The following BCL9 variants were observed in gnomAD, a reference collection of about 807,000 sequenced individuals.
The protein encoded by BCL9 is BCL9 transcription coactivator.
A neutral mutation model predicts 88.5 loss-of-function variants in BCL9; 25 were observed. The observed-to-expected ratio is 0.28, with a 90% confidence interval of 0.21 to 0.39. The LOEUF is 0.39. Among genes scored for constraint, BCL9 ranks in the 10% least tolerant of loss-of-function variants. The probability of loss-of-function intolerance (pLI) is 1.00; values close to 1 mark genes in which losing one functional copy is unlikely to be tolerated. For missense variants in BCL9, 1,817 were observed against 1,877.8 expected (o/e 0.97, Z 0.60); for synonymous variants, 711 against 673.3 (o/e 1.06, Z -0.87).
intron 1 of BCL9, among the ~76,000 whole-genome samples, chr1:147,565,161 A>T (rs1357646518): frequency 6.6e-6 from 1 of 152,212 alleles, no homozygotes; most frequent in Non-Finnish European, 1.5e-5. Context: ...TTAATAACCC[A>T]GTGTACTTGC....
At position 147,618,905 on chromosome 1, in the gene BCL9, G is replaced by C; in HGVS notation, c.750G>C (p.Gln250His). 1 of 1,613,530 alleles carries C rather than the reference G, an allele frequency of 6.2e-7. No homozygotes were observed. Among genetic ancestry groups the C allele is most frequent in the Non-Finnish European group, 8.5e-7 (1 of 1,179,678 alleles). Reference protein sequence around the residue: ...APANQDQNSSQNTRLQPTPPI... With the variant: ...APANQDQNSSHNTRLQPTPPI... ...CCAACCAGGACCAGAATTCTTCCCA[G>C]AATACCAGACTGCAGCCAACTCCAC... The change falls in exon 8 of 10, where the codon CAG (glutamine) becomes CAC (histidine). Residue 250 changes from glutamine to histidine, a missense_variant. Around this residue, in one of 2 missense-constraint regions of BCL9, gnomAD observed 1,228 missense variants for 1,191.6 expected, o/e 1.03. Transcript: ENST00000234739.
chr1:147,568,618 T>C (rs1553197002), intron 1 of BCL9, among the ~76,000 whole-genome samples: 1 of 151,874 alleles, frequency 6.6e-6, no homozygotes, highest in Non-Finnish European at 1.5e-5. Flanking sequence ...TTAGACAAAA[T>C]AGGAGAGCTG....
At chr1:147,616,438 C>T (rs1415098121) in intron 7 of BCL9, among the ~76,000 whole-genome samples, 2 of 152,142 alleles carry the variant, frequency 1.3e-5, no homozygotes, top group Non-Finnish European at 2.9e-5. Context: ...TGTTTTCTAT[C>T]TGGATCTTAA....
intron 1 of BCL9, among the ~76,000 whole-genome samples, chr1:147,591,227 A>T (rs892333219): frequency 2.0e-4 from 31 of 152,000 alleles, no homozygotes; most frequent in Non-Finnish European, 2.8e-4. Flanking sequence ...GTAGCTTTTT[A>T]AAAAAAATAA....
intron 1 of BCL9, among the ~76,000 whole-genome samples, chr1:147,576,721 C>T (rs868912950): frequency 9.9e-5 from 15 of 152,110 alleles, no homozygotes; most frequent in African/African-American, 2.9e-4. Flanking sequence ...AATAAAGAAG[C>T]CAAGCTGATA....
chr1:147,608,026 AAAG>A, intron 3 of BCL9, among the ~76,000 whole-genome samples: 1 of 152,274 alleles, frequency 6.6e-6, no homozygotes, highest in Non-Finnish European at 1.5e-5. Context: ...GGAAGCAGAT[AAAG>A]AAGGCCTGGA....
At chr1:147,572,571 G>T (rs968133092) in intron 1 of BCL9, among the ~76,000 whole-genome samples, 1 of 152,134 alleles carries the variant, frequency 6.6e-6, no homozygotes, top group Admixed American at 6.5e-5. Flanking sequence ...AAGGTTCATA[G>T]GTAGAAGTTT....
Position 147,614,407 on chromosome 1 carries a change from G to A in BCL9, c.371-20G>A, listed in dbSNP as rs782311693. ...AAGGAAATTTTATTCTTTCTGTGAC[G>A]AGTCATTTTATTCTTTTAGAATGTA... is the stretch of plus-strand genomic sequence containing the variant. On this transcript the variant is annotated intron_variant, in intron 5 of 9. Transcript: ENST00000234739. 3.2e-5 allele frequency: 52 copies of A among 1,609,834 alleles called. No individual in the cohort carries two copies. Among genetic ancestry groups the A allele is most frequent in the Middle Eastern group, 1.6e-4 (1 of 6,076 alleles).
At chr1:147,587,192 A>C (rs1656651306) in intron 1 of BCL9, among the ~76,000 whole-genome samples, 1 of 150,826 alleles carries the variant, frequency 6.6e-6, no homozygotes, top group African/African-American at 2.4e-5. Flanking sequence ...CCGCTAAGTC[A>C]CTCCCTCCCC....
At chr1:147,594,116 T>C (rs1232909548) in intron 1 of BCL9, among the ~76,000 whole-genome samples, 1 of 152,180 alleles carries the variant, frequency 6.6e-6, no homozygotes, top group East Asian at 1.9e-4. Flanking sequence ...AGGGCTTAAA[T>C]AATTAGAAAG....
At chr1:147,579,494 A>G (rs1301482353) in intron 1 of BCL9, among the ~76,000 whole-genome samples, 7 of 152,206 alleles carry the variant, frequency 4.6e-5, no homozygotes, top group African/African-American at 1.2e-4. Flanking sequence ...GTTAAACCTG[A>G]GGGTGCCCCT....
intron 1 of BCL9, among the ~76,000 whole-genome samples, chr1:147,604,312 C>T (rs1226562907): frequency 6.6e-6 from 1 of 152,172 alleles, no homozygotes; most frequent in Non-Finnish European, 1.5e-5. Flanking sequence ...TACCCTAGAC[C>T]AACTGATTTT....
At chr1:147,545,784 T>A (rs1487323614) in intron 1 of BCL9, among the ~76,000 whole-genome samples, 2 of 152,228 alleles carry the variant, frequency 1.3e-5, no homozygotes, top group African/African-American at 4.8e-5. Context: ...CTTTTAAACC[T>A]TGACATTTTA....
At chr1:147,582,385 A>G (rs1656405323) in intron 1 of BCL9, among the ~76,000 whole-genome samples, 2 of 152,224 alleles carry the variant, frequency 1.3e-5, no homozygotes, top group African/African-American at 4.8e-5. Flanking sequence ...TAAGGCAATT[A>G]GGGCAAAGAG....
At chr1:147,555,345 C>T (rs1655059874) in intron 1 of BCL9, among the ~76,000 whole-genome samples, 1 of 152,114 alleles carries the variant, frequency 6.6e-6, no homozygotes, top group Admixed American at 6.5e-5. Flanking sequence ...ACTTTGGCAC[C>T]CAACTCAGGA....
intron 3 of BCL9, among the ~76,000 whole-genome samples, chr1:147,607,523 T>C (rs1408466720): frequency 6.6e-6 from 1 of 152,160 alleles, no homozygotes; most frequent in African/African-American, 2.4e-5. Context: ...ATGAAAAATG[T>C]TGAAAAACCC....
chr1:147,562,798 C>CT (rs1265548211), intron 1 of BCL9, among the ~76,000 whole-genome samples: 1 of 152,068 alleles, frequency 6.6e-6, no homozygotes, highest in Non-Finnish European at 1.5e-5. Flanking sequence ...TAGAAGTAAT[C>CT]TTTTTAAAAG....
chr1:147,586,895 A>G (rs1656628333), intron 1 of BCL9, among the ~76,000 whole-genome samples: 1 of 152,096 alleles, frequency 6.6e-6, no homozygotes, highest in South Asian at 2.1e-4. Flanking sequence ...CTGTTTTACA[A>G]TTCCAGGCCC....
intron 1 of BCL9, among the ~76,000 whole-genome samples, chr1:147,579,990 A>C (rs587646247): frequency 6.6e-6 from 1 of 152,196 alleles, no homozygotes; most frequent in South Asian, 2.1e-4. Context: ...TATTTCCTCC[A>C]TTCATCTCTG....
Sources: gnomAD v4.1 joint callset for allele counts (sites outside exome capture counted in the v4.1 genomes callset) on GRCh38, gnomAD v4.1.1 for gene constraint, gnomAD v4.1.1 regional missense constraint, MANE v1.5 for transcripts, NCBI Gene and HGNC (gene_info 2026-07-23, HGNC 2026-07-21) for gene names.